Variants in ZNRF3 observed in about 807,000 individuals in gnomAD.
ZNRF3 encodes the protein zinc and ring finger 3.
ZNRF3 carries 23 observed loss-of-function variants against 72.5 expected under a neutral mutation model. The observed-to-expected ratio is 0.32, with a 90% confidence interval of 0.23 to 0.45. The LOEUF (loss-of-function observed/expected upper bound fraction) is 0.45, where lower values mean the gene tolerates loss of function less well. ZNRF3 is among the 20% of genes least tolerant of loss of function. ZNRF3 has a pLI of 1.00. For synonymous variants in ZNRF3, 610 were observed against 545.3 expected (o/e 1.12, Z -1.65); for missense variants, 1,169 against 1,272.1 (o/e 0.92, Z 1.23).
chr22:28,934,711 C>T (rs2034788082), intron 1 of ZNRF3, among the ~76,000 whole-genome samples: 1 of 150,288 alleles, frequency 6.7e-6, no homozygotes, highest in Admixed American at 6.7e-5. Flanking sequence ...TGAGCTACTC[C>T]AGAGGCTGAA....
At chr22:28,906,611 GTGCTT>G (rs2034212941) in intron 1 of ZNRF3, among the ~76,000 whole-genome samples, 1 of 152,226 alleles carries the variant, frequency 6.6e-6, no homozygotes, top group African/African-American at 2.4e-5. Context: ...TGTACATTAA[GTGCTT>G]AACACATGTT....
rs1208827795 is a variant in ZNRF3, at chr22:29,048,034, T to G, written c.913-355T>G. Reference sequence around the variant, plus strand: ...GAATATCTTGGGGTATACCTGGCCCTCTCTCCATACCCCTAAGCCTCCCAT... The same window carrying G: ...GAATATCTTGGGGTATACCTGGCCCGCTCTCCATACCCCTAAGCCTCCCAT... On this transcript the variant is annotated intron_variant, in intron 6 of 8. Coordinates refer to ENST00000544604, the MANE Select transcript of ZNRF3 (RefSeq NM_001206998.2). The surrounding 1 kb of genome is among the most constrained non-coding windows in gnomAD (Gnocchi z 4.9). 6.6e-6 allele frequency among the ~76,000 whole-genome samples: 1 copy of G among 152,128 alleles called. No homozygotes were observed. The highest frequency in any genetic ancestry group is 2.4e-5 in the African/African-American group (1 of 41,410).
rs1264437650 is a variant in ZNRF3 at position 29,030,825 on chromosome 22, C to A, written c.427-11670C>A. Among the ~76,000 whole-genome samples the A allele has an allele frequency of 6.6e-6, 1 of 151,278 alleles. No individual in the cohort carries two copies. Among genetic ancestry groups the A allele is most frequent in the Non-Finnish European group, 1.5e-5 (1 of 67,850 alleles). ...GGGCTCCTGGCGCGGGGAGGAGCCG[C>A]GGGAGGGGGGATGTTGGCCGCAGGG... On this transcript the variant is annotated intron_variant, in intron 2 of 8. Coordinates refer to ENST00000544604, the MANE Select transcript of ZNRF3 (RefSeq NM_001206998.2). The surrounding 1 kb of genome is among the most constrained non-coding windows in gnomAD (Gnocchi z 4.2).
chr22:28,961,457 GGA>G (rs987837855), intron 1 of ZNRF3, among the ~76,000 whole-genome samples: 64 of 152,350 alleles, frequency 4.2e-4, no homozygotes, highest in African/African-American at 1.5e-3. Flanking sequence ...ATAGTGAGCT[GGA>G]GGGTTCTAGA....
chr22:28,978,265 T>C (rs2035708478), intron 1 of ZNRF3, among the ~76,000 whole-genome samples: 1 of 152,220 alleles, frequency 6.6e-6, no homozygotes, highest in Admixed American at 6.5e-5. Flanking sequence ...TTGGAGCTTC[T>C]CAGAACAATC....
intron 1 of ZNRF3, among the ~76,000 whole-genome samples, chr22:28,896,096 G>A (rs900758346): frequency 2.6e-5 from 4 of 151,478 alleles, no homozygotes; most frequent in African/African-American, 4.9e-5. Flanking sequence ...GATTACAGGC[G>A]TCCACCATCA....
chr22:29,029,679 C>T (rs1348964282), intron 2 of ZNRF3, among the ~76,000 whole-genome samples: 2 of 152,130 alleles, frequency 1.3e-5, no homozygotes, highest in Non-Finnish European at 2.9e-5. Context: ...GGGGTAGGTC[C>T]TGGGCTCGAG....
intron 2 of ZNRF3, among the ~76,000 whole-genome samples, chr22:29,009,334 G>A (rs2036309879): frequency 6.6e-6 from 1 of 152,120 alleles, no homozygotes; most frequent in African/African-American, 2.4e-5. Context: ...AACTTGACTG[G>A]GCGTGATGGT....
At chr22:28,990,655 G>A (rs557126132) in intron 2 of ZNRF3, among the ~76,000 whole-genome samples, 10 of 152,180 alleles carry the variant, frequency 6.6e-5, no homozygotes, top group Admixed American at 5.9e-4. Flanking sequence ...TAGGCTGGGC[G>A]ACAGAGGAAG....
intron 1 of ZNRF3, among the ~76,000 whole-genome samples, chr22:28,952,796 T>C (rs1030247273): frequency 2.0e-5 from 3 of 152,148 alleles, no homozygotes; most frequent in Non-Finnish European, 4.4e-5. Context: ...TATTAGGTAA[T>C]GAGAATGAGC....
At chr22:28,991,984 G>T (rs1030082878) in intron 2 of ZNRF3, among the ~76,000 whole-genome samples, 6 of 146,390 alleles carry the variant, frequency 4.1e-5, no homozygotes, top group Non-Finnish European at 9.1e-5. Context: ...GTCCACAAAA[G>T]AATAAAAAAA....
chr22:28,898,211 G>C (rs2034035959), intron 1 of ZNRF3, among the ~76,000 whole-genome samples: 1 of 152,224 alleles, frequency 6.6e-6, no homozygotes. Context: ...GCCTCCCAAA[G>C]TGCTGGGATT....
At chr22:29,033,715 GA>G (rs2036809705) in intron 2 of ZNRF3, among the ~76,000 whole-genome samples, 1 of 152,192 alleles carries the variant, frequency 6.6e-6, no homozygotes, top group South Asian at 2.1e-4. Context: ...GGGCATAGGT[GA>G]AAAGGCAAAG....
At chr22:28,920,346 C>T (rs1430786109) in intron 1 of ZNRF3, among the ~76,000 whole-genome samples, 1 of 152,102 alleles carries the variant, frequency 6.6e-6, no homozygotes, top group Non-Finnish European at 1.5e-5. Context: ...TCTTGGCTCA[C>T]TGCAACCTCT....
At chr22:28,969,308 T>G (rs1271927010) in intron 1 of ZNRF3, among the ~76,000 whole-genome samples, 1 of 152,204 alleles carries the variant, frequency 6.6e-6, no homozygotes, top group African/African-American at 2.4e-5. Flanking sequence ...GTTCTGTTCT[T>G]TTTTTCCCCC....
At chr22:29,031,585 C>A (rs2036757876) in intron 2 of ZNRF3, 1 of 985,422 alleles carries the variant, frequency 1.0e-6, no homozygotes, top group African/African-American at 1.7e-5. Context: ...CCTGGGTGGT[C>A]ACTACTAAGT....
At chr22:28,961,456 T>C (rs960563172) in intron 1 of ZNRF3, among the ~76,000 whole-genome samples, 2 of 152,188 alleles carry the variant, frequency 1.3e-5, no homozygotes, top group African/African-American at 4.8e-5. Flanking sequence ...GATAGTGAGC[T>C]GGAGGGTTCT....
intron 1 of ZNRF3, among the ~76,000 whole-genome samples, chr22:28,972,343 T>A (rs1416883780): frequency 1.3e-5 from 2 of 152,214 alleles, no homozygotes; most frequent in African/African-American, 4.8e-5. Flanking sequence ...ATTCTGGGCT[T>A]TCATGTAATA....
At chr22:28,995,450 A>T (rs1332211342) in intron 2 of ZNRF3, among the ~76,000 whole-genome samples, 2 of 152,166 alleles carry the variant, frequency 1.3e-5, no homozygotes, top group Non-Finnish European at 2.9e-5. Context: ...AGAAATCCAA[A>T]GATGTTTGAA....
Sources: gnomAD v4.1 joint callset for allele counts (sites outside exome capture counted in the v4.1 genomes callset) on GRCh38, gnomAD v4.1.1 for gene constraint, Gnocchi (gnomAD v3.1) non-coding constraint, MANE v1.5 for transcripts, NCBI Gene and HGNC (gene_info 2026-07-23, HGNC 2026-07-21) for gene names.